The following KIAA1217 variants were observed in gnomAD, a reference collection of about 807,000 sequenced individuals.
The protein encoded by KIAA1217 is sickle tail protein homolog.
A neutral mutation model predicts 163.9 loss-of-function variants in KIAA1217; 88 were observed. The observed-to-expected ratio is 0.54, with a 90% CI of 0.45 to 0.64. KIAA1217 has a LOEUF of 0.64. Ranked by LOEUF, KIAA1217 falls within the 30% of genes least tolerant of loss-of-function variation. The pLI is 0.00. For synonymous variants in KIAA1217, 903 were observed against 923.1 expected (o/e 0.98, Z 0.39); for missense variants, 2,372 against 2,475.0 (o/e 0.96, Z 0.88).
intron 3 of KIAA1217, among the ~76,000 whole-genome samples, chr10:24,388,617 C>G (rs2054370603): frequency 6.6e-6 from 1 of 152,114 alleles, no homozygotes; most frequent in Admixed American, 6.5e-5. Flanking sequence ...TCAGAGTGAA[C>G]AGGCAACCTA....
At chr10:24,081,518 C>A (rs150663888) in intron 2 of KIAA1217, among the ~76,000 whole-genome samples, 1 of 152,290 alleles carries the variant, frequency 6.6e-6, no homozygotes, top group Non-Finnish European at 1.5e-5. Flanking sequence ...GGAGCCTCTT[C>A]CTCCTCGTTC....
At chr10:24,099,559 C>A (rs1326793799) in intron 2 of KIAA1217, among the ~76,000 whole-genome samples, 2 of 143,684 alleles carry the variant, frequency 1.4e-5, no homozygotes, top group Non-Finnish European at 3.0e-5. Context: ...GTATATGTGC[C>A]ACATTTTCTT....
intron 2 of KIAA1217, among the ~76,000 whole-genome samples, chr10:24,235,892 T>C (rs1370807269): frequency 6.6e-6 from 1 of 152,198 alleles, no homozygotes; most frequent in East Asian, 1.9e-4. Context: ...TTCGTTTAGT[T>C]AGGCTCTTAG....
In KIAA1217 at chr10:23,916,481, G is replaced by A. The variant is rs571562549; in HGVS notation, c.-320-90744G>A. Among the ~76,000 whole-genome samples the A allele has an allele frequency of 2.4e-4, 37 of 152,214 alleles. No homozygotes were observed. The South Asian group carries it at 7.7e-3, about 32-fold the overall frequency. On this transcript the variant is annotated intron_variant, in intron 1 of 18. Transcript: ENST00000376462. ...CCACTTTATATCTTCTTCAACTAGA[G>A]GTAGTGTGGATCTCACTGAATTGCA...
intron 5 of KIAA1217, among the ~76,000 whole-genome samples, chr10:24,444,448 T>C (rs574187607): frequency 1.3e-5 from 2 of 152,326 alleles, no homozygotes; most frequent in African/African-American, 4.8e-5. Context: ...ACATTCGCAT[T>C]GTGTTATAAT....
intron 1 of KIAA1217, among the ~76,000 whole-genome samples, chr10:23,979,249 A>G (rs1564582266): frequency 1.3e-5 from 2 of 152,218 alleles, no homozygotes; most frequent in Admixed American, 6.5e-5. Flanking sequence ...GAACCATAAA[A>G]GTCACGTTGC....
intron 2 of KIAA1217, among the ~76,000 whole-genome samples, chr10:24,125,363 T>TGTGTGTGTGA (rs58201246): frequency 4.1e-5 from 6 of 147,420 alleles, no homozygotes; most frequent in Admixed American, 2.0e-4. Context: ...TGTGTGTGTG[T>TGTGTGTGTGA]GAATAGGCTT....
At chr10:23,891,958 G>T (rs187101028) in intron 1 of KIAA1217, among the ~76,000 whole-genome samples, 33 of 151,914 alleles carry the variant, frequency 2.2e-4, no homozygotes, top group East Asian at 3.9e-4. Context: ...ATCTCTGAAG[G>T]TTATTAGTAT....
Position 24,408,637 on chromosome 10 carries a change from T to C in KIAA1217, c.554-24358T>C, listed in dbSNP as rs180916586. Among the ~76,000 whole-genome samples the C allele has an allele frequency of 1.9e-3, 285 of 152,372 alleles. 1 individual carries two copies. The highest frequency in any genetic ancestry group is 2.5e-3 in the African/African-American group (105 of 41,592). ...GCAGCTTCTTTAATAACCTAGTTTA[T>C]TGGCAACAACCTCAAGGCCTTTGTA... On this transcript the variant is annotated intron_variant, in intron 3 of 20. Coordinates refer to ENST00000376454, the MANE Select transcript of KIAA1217 (RefSeq NM_019590.5).
intron 2 of KIAA1217, among the ~76,000 whole-genome samples, chr10:24,277,308 C>A (rs927203566): frequency 6.6e-6 from 1 of 152,294 alleles, no homozygotes; most frequent in African/African-American, 2.4e-5. Context: ...GAGGTTGACC[C>A]TGGTGTGGTT....
intron 2 of KIAA1217, among the ~76,000 whole-genome samples, chr10:24,352,137 A>G (rs905629772): frequency 6.6e-6 from 1 of 152,204 alleles, no homozygotes; most frequent in Admixed American, 6.5e-5. Flanking sequence ...CCTCTGCCAC[A>G]TTGCAGTCTC....
intron 2 of KIAA1217, among the ~76,000 whole-genome samples, chr10:24,152,512 C>T (rs1195433085): frequency 6.6e-6 from 1 of 152,164 alleles, no homozygotes; most frequent in Admixed American, 6.5e-5. Context: ...CATTTTATCT[C>T]TTTGTGCATG....
intron 1 of KIAA1217, among the ~76,000 whole-genome samples, chr10:23,810,343 A>G (rs1027814842): frequency 1.4e-5 from 2 of 146,762 alleles, no homozygotes; most frequent in Non-Finnish European, 3.0e-5. Flanking sequence ...CACTATATAT[A>G]CTATATATAG....
chr10:24,306,949 C>T lies in KIAA1217; in HGVS notation c.355-73920C>T, dbSNP rs536011577. 1.3e-3 allele frequency among the ~76,000 whole-genome samples: 200 copies of T among 152,290 alleles called. 1 individual carries two copies. Among genetic ancestry groups the T allele is most frequent in the African/African-American group, 3.2e-3 (132 of 41,576 alleles). On this transcript the variant is annotated intron_variant, in intron 2 of 20. Transcript: ENST00000376454. The stretch of plus-strand genomic sequence containing the variant: ...TGTTCATTCACACGGCAAGAAATGA[C>T]GGCTACCTGCCGGGCATTAGTTAGC...
chr10:23,957,240 C>T (rs2131366229), intron 1 of KIAA1217, among the ~76,000 whole-genome samples: 1 of 152,218 alleles, frequency 6.6e-6, no homozygotes, highest in Admixed American at 6.5e-5. Flanking sequence ...CACATATGCC[C>T]CTTCTGGCTT....
chr10:24,132,674 C>T (rs972976934), intron 2 of KIAA1217, among the ~76,000 whole-genome samples: 11 of 152,168 alleles, frequency 7.2e-5, no homozygotes, highest in South Asian at 2.1e-4. Flanking sequence ...CAATTTCCAG[C>T]GGAATATCAA....
At chr10:24,023,203 C>T (rs187372658) in intron 2 of KIAA1217, among the ~76,000 whole-genome samples, 7 of 151,756 alleles carry the variant, frequency 4.6e-5, no homozygotes, top group South Asian at 2.1e-4. Flanking sequence ...AATTCTTTCA[C>T]GTAAAATCAA....
intron 1 of KIAA1217, among the ~76,000 whole-genome samples, chr10:23,790,675 T>G (rs1443241333): frequency 2.3e-5 from 3 of 129,260 alleles, no homozygotes; most frequent in Non-Finnish European, 4.6e-5. Flanking sequence ...ATATATCATA[T>G]ATATAATATG....
At chr10:23,969,137 C>A (rs748392108) in intron 1 of KIAA1217, among the ~76,000 whole-genome samples, 1 of 152,124 alleles carries the variant, frequency 6.6e-6, no homozygotes, top group Non-Finnish European at 1.5e-5. Context: ...CAGGTTCAAG[C>A]GATTCCCCCA....
Sources: gnomAD v4.1 joint callset for allele counts (sites outside exome capture counted in the v4.1 genomes callset) on GRCh38, gnomAD v4.1.1 for gene constraint, MANE v1.5 for transcripts, NCBI Gene and HGNC (gene_info 2026-07-23, HGNC 2026-07-21) for gene names.